MARF1: variants seen among roughly 807,000 people sequenced by gnomAD.
MARF1 encodes meiosis regulator and mRNA stability factor 1, also known as limkain-b1.
In MARF1, 24 loss-of-function variants were observed where a neutral mutation model predicts 168.2. The observed-to-expected ratio is 0.14, with a 90% CI of 0.10 to 0.20. MARF1 has a LOEUF of 0.20. Ranked by LOEUF, MARF1 falls within the 10% of genes least tolerant of loss-of-function variation. The probability of loss-of-function intolerance (pLI) is 1.00; values close to 1 mark genes in which losing one functional copy is unlikely to be tolerated. For missense variants in MARF1, 1,744 were observed against 2,143.6 expected, an observed-to-expected ratio of 0.81 and a Z score of 3.68; for synonymous variants, 868 against 822.4, an observed-to-expected ratio of 1.06 and a Z score of -0.95.
chr16:15,603,951 C>T (rs2032771426), intron 22 of MARF1, among the ~76,000 whole-genome samples: 1 of 152,046 alleles, frequency 6.6e-6, no homozygotes, highest in Non-Finnish European at 1.5e-5. Context: ...GACAAACACA[C>T]CCCAGTGCCA....
At chr16:15,598,431 A>G (rs1473375149) in intron 26 of MARF1, among the ~76,000 whole-genome samples, 2 of 152,192 alleles carry the variant, frequency 1.3e-5, no homozygotes, top group East Asian at 3.8e-4. Flanking sequence ...CCGGGGCTCC[A>G]GCCACAGACA....
At chr16:15,620,814 T>A (rs1350150397) in intron 12 of MARF1, among the ~76,000 whole-genome samples, 3 of 152,186 alleles carry the variant, frequency 2.0e-5, no homozygotes, top group Non-Finnish European at 4.4e-5. Context: ...AGAGCTTAAA[T>A]ATCTCCTGCC....
chr16:15,605,383 C>T (rs113172126), intron 21 of MARF1, among the ~76,000 whole-genome samples: 7,821 of 152,208 alleles, frequency 0.051, 248 homozygotes, highest in Non-Finnish European at 0.078. Flanking sequence ...AAGACCAGGG[C>T]ATCTTTATCT....
chr16:15,628,142 T>C (rs1567576170), intron 7 of MARF1, among the ~76,000 whole-genome samples: 1 of 152,218 alleles, frequency 6.6e-6, no homozygotes, highest in Non-Finnish European at 1.5e-5. Context: ...AAGTTCTGGT[T>C]TTTAAAATGT....
rs1555528250 is a variant in MARF1 at position 15,626,961 on chromosome 16, G to GGA, written c.1525-1162_1525-1161insTC. 8.0e-3 allele frequency among the ~76,000 whole-genome samples: 936 copies of GGA among 116,356 alleles called. 19 individuals carry two copies. In the East Asian group the frequency reaches 0.093, roughly 12 times the overall value. 76.3% of individuals were successfully genotyped at this position (116,356 alleles called of 152,430 possible). ...CCTGGGCGACAGAGCGAGATTCTGT[G>GGA]AAAAAAAAAAAAAAAAGAAAGAAAG... On this transcript the variant is annotated intron_variant, in intron 7 of 26. Coordinates refer to ENST00000396368, the MANE Select transcript of MARF1 (RefSeq NM_014647.4).
chr16:15,596,126 TG>T lies in MARF1; in HGVS notation c.*566del, dbSNP rs2031655712. The T allele has an allele frequency of 2.6e-5, 4 of 152,696 alleles. No homozygotes were observed. In the South Asian group the frequency reaches 8.3e-4, roughly 32 times the overall value. The allele number at this position is 152,696 out of a possible 1,614,324, so 9.5% of individuals were successfully genotyped here. A position where few individuals can be genotyped will look rare whatever the true frequency, so the allele number is the denominator to read the frequency against. On this transcript the variant is annotated 3_prime_UTR_variant, in exon 27 of 27. Coordinates refer to ENST00000396368, the MANE Select transcript of MARF1 (RefSeq NM_014647.4). ...AAACAAGGCACACTTACAAGTCACA[TG>T]GAAGCCAGGAACCTTCACATTCCAA...
Position 15,615,957 on chromosome 16 carries a change from T to G in MARF1, c.3126A>C (p.Gln1042His). Residue 1042 changes from glutamine to histidine, a missense_variant, in exon 16 of 27, where the codon CAA (glutamine) becomes CAC (histidine). Gln to His is a conservative substitution (Grantham distance 24, BLOSUM62 0). This residue lies in a region of MARF1 where 543 missense variants were observed against 742.1 expected (regional missense o/e 0.73). Coordinates refer to ENST00000396368, the MANE Select transcript of MARF1 (RefSeq NM_014647.4). ...CTAAGGGAACACCTCCTTGGTTTTC[T>G]TGCACTACTTCTAGATCGCCAAACT... ...IAEFGDLEVV[Q>H]ENQGGVPLEH... 6.4e-7 allele frequency: 1 copy of G among 1,573,444 alleles called. No individual in the cohort carries two copies. The highest frequency in any genetic ancestry group is 8.6e-7 in the Non-Finnish European group (1 of 1,157,820).
rs1395008954 is a variant in MARF1, at chr16:15,595,342, T to C, written c.*1351A>G. 2.6e-5 allele frequency: 4 copies of C among 152,650 alleles called. No homozygotes were observed. The highest frequency in any genetic ancestry group is 5.9e-5 in the Non-Finnish European group (4 of 68,038). 9.5% of individuals were successfully genotyped at this position (152,650 alleles called of 1,614,324 possible). A position where few individuals can be genotyped will look rare whatever the true frequency, so the allele number is the denominator to read the frequency against. On this transcript the variant is annotated 3_prime_UTR_variant, in exon 27 of 27. Transcript: ENST00000396368. ...ATGAAATCAGAGTCCATTTTCTGGC[T>C]TTCTAGAAGTTACCAAATATAAACA...
rs778124218 is a variant in MARF1 at position 15,596,777 on chromosome 16, G to A, written c.5145C>T (p.Pro1715=). 9.9e-6 allele frequency: 16 copies of A among 1,612,766 alleles called. No individual in the cohort carries two copies. The highest frequency in any genetic ancestry group is 2.2e-5 in the South Asian group (2 of 91,014). Residue 1715 remains proline, a synonymous_variant, in exon 27 of 27, where the codon CCC becomes CCT. Coordinates refer to ENST00000396368, the MANE Select transcript of MARF1 (RefSeq NM_014647.4). The part of the protein sequence containing the change: ...ETSESLLSKD[P]VESPAKKQPK... ...GTTGCTTTTTGGCCGGGCTTTCCAC[G>A]GGGTCCTTGCTGAGCAGTGACTCGG...
rs751739331 is a variant in MARF1, at chr16:15,604,345, CAG to C, written c.4234_4235del (p.Leu1412AlafsTer23). On this transcript the variant is annotated frameshift_variant, in exon 22 of 27. Transcript: ENST00000396368. LOFTEE classifies it high-confidence loss of function. ...RQIQLINRKS[L>X]RSLTAQLLVL... ...CCAGCAACTGGGCAGTGAGAGATCG[CAG>C]AGACTTTCGGTTGATCAGCTGAATC... is the stretch of plus-strand genomic sequence containing the variant. The C allele has an allele frequency of 6.2e-7, 1 of 1,614,172 alleles. No homozygotes were observed. The highest frequency in any genetic ancestry group is 8.5e-7 in the Non-Finnish European group (1 of 1,180,032).
rs1256632162 is a variant in MARF1 at position 15,596,712 on chromosome 16, G to A, written c.5210C>T (p.Ala1737Val). The change falls in exon 27 of 27, where the codon GCA becomes GTA. Residue 1737 changes from alanine to valine, a missense_variant. Coordinates refer to ENST00000396368, the MANE Select transcript of MARF1 (RefSeq NM_014647.4). ...RVKLAANFSL[A>V]PITKL Reference sequence around the variant, plus strand: ...TGGGAGTTAAAGCTTGGTTATAGGTGCTAAGGAAAAGTTGGCTGCCAATTT... The same window carrying A: ...TGGGAGTTAAAGCTTGGTTATAGGTACTAAGGAAAAGTTGGCTGCCAATTT... 6 of 1,605,306 alleles carry A rather than the reference G, an allele frequency of 3.7e-6. No homozygotes were observed. The highest frequency in any genetic ancestry group is 5.1e-6 in the Non-Finnish European group (6 of 1,173,092).
intron 21 of MARF1, among the ~76,000 whole-genome samples, chr16:15,607,324 G>A (rs368479422): frequency 2.6e-5 from 4 of 152,164 alleles, no homozygotes; most frequent in African/African-American, 7.2e-5. Context: ...TGAGGTGGGC[G>A]GATTACCTGA....
chr16:15,635,524 T>A, intron 3 of MARF1, 132 bp downstream of exon 3: 1 of 787,642 alleles, frequency 1.3e-6, no homozygotes, highest in South Asian at 2.0e-5. Flanking sequence ...AAAATTATGC[T>A]GATGGGGAGA....
At chr16:15,610,835 A>G (rs1221913188) in intron 19 of MARF1, 140 bp downstream of exon 19, 1 of 771,020 alleles carries the variant, frequency 1.3e-6, no homozygotes, top group African/African-American at 1.8e-5. Context: ...GAATCCAAAG[A>G]GCAGCAGTTT....
intron 21 of MARF1, 125 bp from the exon 22 acceptor site, chr16:15,604,523 T>C (rs1342409171): frequency 4.6e-6 from 3 of 654,090 alleles, no homozygotes; most frequent in Non-Finnish European, 7.9e-6. Flanking sequence ...TTTTTTCTCT[T>C]ACACTGAAAT....
At chr16:15,618,247 C>G (rs990781412) in intron 13 of MARF1, among the ~76,000 whole-genome samples, 15 of 152,222 alleles carry the variant, frequency 9.9e-5, no homozygotes, top group African/African-American at 3.4e-4. Context: ...CCCTGGTCTT[C>G]TCACTGTCTG....
At position 15,634,949 on chromosome 16, in the gene MARF1, T is replaced by C; in HGVS notation, c.832-18A>G. 1 of 1,608,204 alleles carries C rather than the reference T, an allele frequency of 6.2e-7. No homozygotes were observed. The highest frequency in any genetic ancestry group is 8.5e-7 in the Non-Finnish European group (1 of 1,176,714). Reference sequence around the variant, plus strand: ...CTTGCTGGCTGTTTTAAATTTTTTTTAAAAAGGAGGAGGTGTCAGATACAT... The same window carrying C: ...CTTGCTGGCTGTTTTAAATTTTTTTCAAAAAGGAGGAGGTGTCAGATACAT... On this transcript the variant is annotated intron_variant, in intron 3 of 26. Transcript: ENST00000396368.
chr16:15,636,053 G>A lies in MARF1; in HGVS notation c.434C>T (p.Thr145Met), dbSNP rs2035573091. 5 of 1,614,128 alleles carry A rather than the reference G, an allele frequency of 3.1e-6. No individual in the cohort carries two copies. The highest frequency in any genetic ancestry group is 1.7e-5 in the Admixed American group (1 of 60,010). The change falls in exon 3 of 27, where the codon ACG becomes ATG. Residue 145 changes from threonine to methionine, a missense_variant. Around this residue, in one of 7 missense-constraint regions of MARF1, gnomAD observed 318 missense variants for 336.6 expected, o/e 0.94. Transcript: ENST00000396368. The part of the protein sequence containing the change: ...LLDSQSTRTI[T>M]CQVGSGFAFQ... ...AGCAAACCCTGACCCTACCTGACAC[G>A]TGATTGTCCTGGTGCTTTGCGAGTC...
Position 15,624,838 on chromosome 16 carries a change from G to A in MARF1, c.2201C>T (p.Ser734Phe), listed in dbSNP as rs752860656. 6.2e-7 allele frequency: 1 copy of A among 1,614,206 alleles called. No individual in the cohort carries two copies. The highest frequency in any genetic ancestry group is 1.7e-5 in the Admixed American group (1 of 60,026). Residue 734 changes from serine to phenylalanine, a missense_variant, in exon 10 of 27, where the codon TCT becomes TTT. This residue lies in a region of MARF1 where 270 missense variants were observed against 260.6 expected (regional missense o/e 1.04). Coordinates refer to ENST00000396368, the MANE Select transcript of MARF1 (RefSeq NM_014647.4). ...EETVFQVSYP[S>F]AFSKLVASRQ... is the part of the protein sequence containing the mutation. ...GGATGCAACTAACTTGCTAAAAGCA[G>A]ACGGGTAACTCACTTGGAATACAGT...
Sources: gnomAD v4.1 joint callset for allele counts (sites outside exome capture counted in the v4.1 genomes callset) on GRCh38, gnomAD v4.1.1 for gene constraint, gnomAD v4.1.1 regional missense constraint, MANE v1.5 for transcripts, NCBI Gene and HGNC (gene_info 2026-07-23, HGNC 2026-07-21) for gene names.